Variants in RBFOX1 observed in about 807,000 individuals in gnomAD.
RBFOX1 encodes RNA binding protein fox-1 homolog 1.
Under a neutral mutation model 57.7 loss-of-function variants are expected in RBFOX1, and 8 were observed. The observed-to-expected ratio is 0.14, with a 90% confidence interval of 0.08 to 0.25. RBFOX1 has a LOEUF of 0.25. Ranked by LOEUF, RBFOX1 falls within the 10% of genes least tolerant of loss-of-function variation. The pLI, the probability that RBFOX1 is intolerant of heterozygous loss-of-function variation, is 1.00. For missense variants in RBFOX1, 611 were observed against 548.5 expected (o/e 1.11, Z -1.14); for synonymous variants, 326 against 222.4 (o/e 1.47, Z -4.15).
chr16:5,684,687 C>T (rs1011421940), intron 3 of RBFOX1, among the ~76,000 whole-genome samples: 2 of 152,172 alleles, frequency 1.3e-5, no homozygotes, highest in African/African-American at 4.8e-5. Flanking sequence ...TCTCCCTCAG[C>T]AGGGAGCCGT....
intron 4 of RBFOX1, among the ~76,000 whole-genome samples, chr16:5,931,920 A>G (rs928532883): frequency 6.6e-6 from 1 of 151,896 alleles, no homozygotes; most frequent in African/African-American, 2.4e-5. Context: ...CATTCCACCC[A>G]CTTCAGCCTC....
chr16:7,167,875 T>C (rs2079889693), intron 4 of RBFOX1, among the ~76,000 whole-genome samples: 1 of 152,050 alleles, frequency 6.6e-6, no homozygotes, highest in Admixed American at 6.5e-5. Flanking sequence ...GCGAAAAAAG[T>C]GTGCCAACCG....
chr16:5,977,300 A>C (rs1030024403), intron 4 of RBFOX1, among the ~76,000 whole-genome samples: 8 of 151,904 alleles, frequency 5.3e-5, no homozygotes, highest in African/African-American at 1.9e-4. Flanking sequence ...ATCTTGGGAG[A>C]ATGCTGGAGG....
intron 1 of RBFOX1, among the ~76,000 whole-genome samples, chr16:5,404,336 C>G (rs1326753460): frequency 1.3e-5 from 2 of 152,110 alleles, no homozygotes; most frequent in African/African-American, 4.8e-5. Flanking sequence ...AGCATTGAAC[C>G]TTATCGAATT....
intron 4 of RBFOX1, among the ~76,000 whole-genome samples, chr16:7,472,368 A>C (rs951568356): frequency 6.6e-6 from 1 of 152,178 alleles, no homozygotes; most frequent in Non-Finnish European, 1.5e-5. Context: ...TTCCATTAAC[A>C]GTAATACCCT....
At chr16:7,094,781 T>G (rs1399156650) in intron 4 of RBFOX1, among the ~76,000 whole-genome samples, 1 of 136,932 alleles carries the variant, frequency 7.3e-6, no homozygotes, top group Non-Finnish European at 1.7e-5. Context: ...TGTGTGGGTG[T>G]GTGTGTGTGT....
At chr16:5,455,724 T>C (rs2068610889) in intron 1 of RBFOX1, among the ~76,000 whole-genome samples, 1 of 152,180 alleles carries the variant, frequency 6.6e-6, no homozygotes, top group South Asian at 2.1e-4. Context: ...TTTCATTCTC[T>C]TTGCCCATTC....
At chr16:6,231,614 G>A (rs2097460878) in intron 1 of RBFOX1, among the ~76,000 whole-genome samples, 1 of 152,192 alleles carries the variant, frequency 6.6e-6, no homozygotes, top group South Asian at 2.1e-4. Flanking sequence ...TGTTCTGAAT[G>A]GTTGATGAGA....
At chr16:6,460,417 C>G (rs2094889873) in intron 2 of RBFOX1, among the ~76,000 whole-genome samples, 1 of 151,578 alleles carries the variant, frequency 6.6e-6, no homozygotes, top group African/African-American at 2.4e-5. Flanking sequence ...AAAAAAACAC[C>G]CCATAGAAAA....
chr16:5,401,764 T>TCTCGTCCTCCTCCTCTGCCGCTGTCCC (rs1555508912), intron 1 of RBFOX1, among the ~76,000 whole-genome samples: 1 of 103,410 alleles, frequency 9.7e-6, no homozygotes, highest in African/African-American at 3.4e-5. Flanking sequence ...TCCCTGTCTC[T>TCTCGTCCTCCTCCTCTGCCGCTGTCCC]CTCCTCCTCC....
At chr16:7,642,540 T>C (rs2063012213) in intron 11 of RBFOX1, among the ~76,000 whole-genome samples, 1 of 152,206 alleles carries the variant, frequency 6.6e-6, no homozygotes, top group South Asian at 2.1e-4. Flanking sequence ...AGGAAGCTAA[T>C]TTATCTCACT....
chr16:5,460,988 C>T (rs733768), intron 1 of RBFOX1, among the ~76,000 whole-genome samples: 8,618 of 152,066 alleles, frequency 0.057, 824 homozygotes, highest in African/African-American at 0.2. Flanking sequence ...GCTCATGAAA[C>T]GGATGACAAG....
intron 4 of RBFOX1, among the ~76,000 whole-genome samples, chr16:5,869,290 T>G (rs1421358263): frequency 4.6e-5 from 7 of 152,310 alleles, no homozygotes; most frequent in African/African-American, 1.7e-4. Context: ...CCTATGATCT[T>G]CCATCTTTCT....
chr16:5,477,908 G>T (rs1322814342), intron 2 of RBFOX1, among the ~76,000 whole-genome samples: 1 of 152,226 alleles, frequency 6.6e-6, no homozygotes, highest in Admixed American at 6.5e-5. Context: ...AGGGCGTGAT[G>T]TGAAACTCAA....
intron 2 of RBFOX1, among the ~76,000 whole-genome samples, chr16:5,495,644 G>C (rs192682213): frequency 1.3e-5 from 2 of 152,310 alleles, no homozygotes; most frequent in Non-Finnish European, 2.9e-5. Context: ...CATGGTGCTG[G>C]ATTTGACCTA....
intron 11 of RBFOX1, among the ~76,000 whole-genome samples, chr16:7,649,675 C>G (rs1188416179): frequency 6.6e-6 from 1 of 152,100 alleles, no homozygotes; most frequent in East Asian, 1.9e-4. Flanking sequence ...ATTGGTTAAC[C>G]ACTGACAGGG....
At chr16:6,999,797 C>T (rs941648280) in intron 3 of RBFOX1, among the ~76,000 whole-genome samples, 4 of 151,994 alleles carry the variant, frequency 2.6e-5, no homozygotes, top group Non-Finnish European at 4.4e-5. Flanking sequence ...ATAGGCCAGG[C>T]ATGTTGGCTC....
chr16:6,063,357 T>G (rs192164914), intron 1 of RBFOX1, among the ~76,000 whole-genome samples: 27 of 152,158 alleles, frequency 1.8e-4, no homozygotes, highest in Admixed American at 1.4e-3. Context: ...ATGGGTTCAT[T>G]AACACTTAAT....
intron 4 of RBFOX1, among the ~76,000 whole-genome samples, chr16:5,887,681 G>C (rs1336979038): frequency 2.6e-5 from 4 of 152,134 alleles, no homozygotes; most frequent in Admixed American, 2.6e-4. Context: ...TGGAATTACA[G>C]ATGTGAGCCA....
Sources: allele counts gnomAD v4.1 joint callset (sites outside exome capture counted in the v4.1 genomes callset), GRCh38; gene constraint gnomAD v4.1.1; transcripts MANE v1.5; gene names NCBI Gene and HGNC (gene_info 2026-07-23, HGNC 2026-07-21).